The following CNTN3 variants were observed in gnomAD, a reference collection of about 807,000 sequenced individuals.
The protein encoded by CNTN3 is contactin-3.
Under a neutral mutation model 119.1 loss-of-function variants are expected in CNTN3, and 60 were observed. The ratio of observed to expected loss-of-function variants is 0.50; its 90% CI spans 0.41 to 0.62. The LOEUF is 0.62. Ranked by LOEUF, CNTN3 falls within the 20% of genes least tolerant of loss-of-function variation. CNTN3 has a pLI of 0.00. For missense variants in CNTN3, 1,101 were observed against 1,242.4 expected (o/e 0.89, Z 1.71); for synonymous variants, 450 against 438.7 (o/e 1.03, Z -0.32).
intron 1 of CNTN3, among the ~76,000 whole-genome samples, chr3:74,566,033 G>A (rs1704220949): frequency 6.6e-6 from 1 of 152,112 alleles, no homozygotes; most frequent in African/African-American, 2.4e-5. Flanking sequence ...GACATGCCTT[G>A]CTCTTCTGCT....
intron 4 of CNTN3, among the ~76,000 whole-genome samples, chr3:74,455,826 C>G (rs1030174962): frequency 6.6e-6 from 1 of 152,012 alleles, no homozygotes; most frequent in African/African-American, 2.4e-5. Flanking sequence ...TCAAAACCAC[C>G]TGGAGGTCTT....
At chr3:74,369,688 T>A (rs1025104458) in intron 7 of CNTN3, among the ~76,000 whole-genome samples, 27 of 151,124 alleles carry the variant, frequency 1.8e-4, no homozygotes, top group Non-Finnish European at 3.7e-4. Context: ...GCAGGCAGAG[T>A]AATTTTCTTC....
intron 4 of CNTN3, among the ~76,000 whole-genome samples, chr3:74,486,170 A>C (rs1702852736): frequency 6.6e-6 from 1 of 151,580 alleles, no homozygotes; most frequent in Admixed American, 6.6e-5. Context: ...CTGTTCCCTA[A>C]ACAGAATCCT....
At chr3:74,285,076 A>T (rs2106781190) in intron 20 of CNTN3, among the ~76,000 whole-genome samples, 1 of 152,266 alleles carries the variant, frequency 6.6e-6, no homozygotes, top group East Asian at 1.9e-4. Flanking sequence ...ACCCCACACT[A>T]AGATTTTTTC....
intron 5 of CNTN3, among the ~76,000 whole-genome samples, chr3:74,412,426 C>A (rs1701455208): frequency 1.3e-5 from 2 of 152,156 alleles, no homozygotes; most frequent in Non-Finnish European, 2.9e-5. Context: ...ATACTACAGG[C>A]CTCCAAGGGC....
intron 13 of CNTN3, among the ~76,000 whole-genome samples, chr3:74,307,591 C>T (rs750821155): frequency 6.6e-6 from 1 of 151,882 alleles, no homozygotes; most frequent in Non-Finnish European, 1.5e-5. Flanking sequence ...ATTTAAAAAC[C>T]ACTCTGCACT....
At chr3:74,540,872 G>A (rs1703833497) in intron 1 of CNTN3, among the ~76,000 whole-genome samples, 1 of 152,020 alleles carries the variant, frequency 6.6e-6, no homozygotes, top group Non-Finnish European at 1.5e-5. Flanking sequence ...ATATACACAG[G>A]CAGTATATTT....
rs1446744683 is a variant in CNTN3 at position 74,424,763 on chromosome 3, C to A, written c.454+82G>T. The stretch of plus-strand genomic sequence containing the variant: ...TTATCAAGTTTCTCAGAGTAATTTA[C>A]AGATGCAATAACAGTACATGCGCTG... On this transcript the variant is annotated intron_variant, in intron 5 of 22. Transcript: ENST00000263665. 6 of 1,114,134 alleles carry A rather than the reference C, an allele frequency of 5.4e-6. No individual in the cohort carries two copies. In the Admixed American group the frequency reaches 9.7e-5, roughly 18 times the overall value. 69.0% of individuals were successfully genotyped at this position (1,114,134 alleles called of 1,614,324 possible). A position where few individuals can be genotyped will look rare whatever the true frequency, so the allele number is the denominator to read the frequency against.
chr3:74,290,271 T>G (rs2106792773), intron 19 of CNTN3, among the ~76,000 whole-genome samples: 1 of 152,356 alleles, frequency 6.6e-6, no homozygotes, highest in East Asian at 1.9e-4. Flanking sequence ...GTACAGCATG[T>G]TACTGTACTG....
intron 1 of CNTN3, among the ~76,000 whole-genome samples, chr3:74,585,540 G>A (rs766220134): frequency 2.0e-5 from 3 of 152,050 alleles, no homozygotes; most frequent in Non-Finnish European, 4.4e-5. Flanking sequence ...ATAGTATAAT[G>A]AACTGAATCA....
intron 2 of CNTN3, among the ~76,000 whole-genome samples, chr3:74,505,875 T>G (rs1163542035): frequency 2.6e-5 from 4 of 152,068 alleles, no homozygotes; most frequent in African/African-American, 9.7e-5. Flanking sequence ...CCAATAAAAG[T>G]GATGAAAACC....
At chr3:74,379,809 G>C (rs1300254125) in intron 5 of CNTN3, among the ~76,000 whole-genome samples, 1 of 152,166 alleles carries the variant, frequency 6.6e-6, no homozygotes, top group Non-Finnish European at 1.5e-5. Flanking sequence ...AAGAGGACTA[G>C]CAACAGCATT....
In CNTN3 at chr3:74,298,141, A is replaced by G; in HGVS notation, c.2217T>C (p.Ala739=). Residue 739 remains alanine (A), a synonymous_variant, in exon 18 of 23, where the codon GCT becomes GCC. Coordinates refer to ENST00000263665, the MANE Select transcript of CNTN3 (RefSeq NM_020872.3). ...AGGTGGTAACCCCAAGAGGGCGGAA[A>G]GCAACAACATACCCAAAACCTTCAC... The part of the protein sequence containing the change: ...QNGEGFGYVV[A]FRPLGVTTWI... 1 of 1,611,436 alleles carries G rather than the reference A, an allele frequency of 6.2e-7. No individual in the cohort carries two copies.
At chr3:74,269,472 T>A (rs1411050634) in intron 20 of CNTN3, among the ~76,000 whole-genome samples, 1 of 152,142 alleles carries the variant, frequency 6.6e-6, no homozygotes, top group Non-Finnish European at 1.5e-5. Flanking sequence ...GTCTATAATA[T>A]GTTAGGGATT....
intron 1 of CNTN3, among the ~76,000 whole-genome samples, chr3:74,543,369 T>C (rs985357728): frequency 2.0e-5 from 3 of 152,126 alleles, no homozygotes; most frequent in Admixed American, 1.3e-4. Flanking sequence ...CTGGTCAAGA[T>C]AGGGTTTTGG....
chr3:74,462,528 T>C (rs199899008), intron 4 of CNTN3, among the ~76,000 whole-genome samples: 1 of 152,194 alleles, frequency 6.6e-6, no homozygotes, highest in East Asian at 1.9e-4. Context: ...CTGTGTAACA[T>C]GGGCACCAAC....
intron 5 of CNTN3, among the ~76,000 whole-genome samples, chr3:74,415,737 G>C (rs141059994): frequency 1.1e-4 from 16 of 152,130 alleles, no homozygotes; most frequent in African/African-American, 3.9e-4. Context: ...GCAGTCTTTC[G>C]TCCTTAATCT....
rs181578366 is a variant in CNTN3 at position 74,326,319 on chromosome 3, A to T, written c.1668+8416T>A. ...GATACAAAGGAAAACTATTACTTAA[A>T]AATGTTAATACATATTTTAAGTAGA... On this transcript the variant is annotated intron_variant, in intron 13 of 22. Transcript: ENST00000263665. Among the ~76,000 whole-genome samples the T allele has an allele frequency of 1.5e-3, 230 of 152,262 alleles. No homozygotes were observed. The Middle Eastern group carries it at 0.024, about 16-fold the overall frequency.
At chr3:74,475,039 A>AATC (rs1702630270) in intron 4 of CNTN3, among the ~76,000 whole-genome samples, 1 of 152,132 alleles carries the variant, frequency 6.6e-6, no homozygotes, top group Non-Finnish European at 1.5e-5. Flanking sequence ...ACCATAAGCC[A>AATC]ATCAGAACTT....
Sources: allele counts gnomAD v4.1 joint callset (sites outside exome capture counted in the v4.1 genomes callset), GRCh38; gene constraint gnomAD v4.1.1; transcripts MANE v1.5; gene names NCBI Gene and HGNC (gene_info 2026-07-23, HGNC 2026-07-21).